ZMYM2: variants seen among roughly 807,000 people sequenced by gnomAD.
ZMYM2 encodes zinc finger MYM-type protein 2.
Under a neutral mutation model 162.8 loss-of-function variants are expected in ZMYM2, and 56 were observed. The observed-to-expected ratio is 0.34, with a 90% CI of 0.28 to 0.43. The LOEUF is 0.43. Among genes scored for constraint, ZMYM2 ranks in the 20% least tolerant of loss-of-function variants. The pLI, the probability that ZMYM2 is intolerant of heterozygous loss-of-function variation, is 1.00. For missense variants in ZMYM2, 1,275 were observed against 1,621.8 expected (o/e 0.79, Z 3.67); for synonymous variants, 510 against 541.6 (o/e 0.94, Z 0.81).
intron 6 of ZMYM2, among the ~76,000 whole-genome samples, chr13:20,008,786 A>T (rs1380405219): frequency 6.6e-6 from 1 of 152,204 alleles, no homozygotes; most frequent in Non-Finnish European, 1.5e-5. Context: ...TTGCTTTATA[A>T]AAATGTCCAG....
intron 21 of ZMYM2, among the ~76,000 whole-genome samples, chr13:20,077,522 T>C (rs1040090243): frequency 2.7e-5 from 4 of 148,960 alleles, no homozygotes. Context: ...TTGGGACTAA[T>C]TAATTCTACC....
the ZMYM2 span, among the ~76,000 whole-genome samples, chr13:19,894,405 G>A: frequency 6.6e-6 from 1 of 151,198 alleles, no homozygotes; most frequent in Non-Finnish European, 1.5e-5. Flanking sequence ...GAATGCAATG[G>A]CACAATCTCA....
chr13:20,063,049 T>A, intron 18 of ZMYM2, 78 bp downstream of exon 18: 1 of 1,440,382 alleles, frequency 6.9e-7, no homozygotes. Flanking sequence ...TTGATGTTTG[T>A]GTCATTGCCT....
the ZMYM2 span, among the ~76,000 whole-genome samples, chr13:19,885,947 A>ATATATATATGTG: frequency 7.2e-4 from 15 of 20,874 alleles, 4 homozygotes; most frequent in African/African-American, 2.9e-3. Flanking sequence ...ATATATATGT[A>ATATATATATGTG]TATACACATA....
chr13:19,984,298 A>C (rs1481493001), intron 2 of ZMYM2, among the ~76,000 whole-genome samples: 1 of 152,216 alleles, frequency 6.6e-6, no homozygotes, highest in Admixed American at 6.5e-5. Flanking sequence ...ACTGAATCAA[A>C]ATAAAGACCA....
upstream of ZMYM2, among the ~76,000 whole-genome samples, chr13:19,953,727 G>C (rs941342960): frequency 2.8e-5 from 4 of 143,950 alleles, no homozygotes; most frequent in East Asian, 8.4e-4. Context: ...TGGTTCATTT[G>C]AGATTACTCT....
intron 3 of ZMYM2, among the ~76,000 whole-genome samples, chr13:20,001,450 G>C (rs1566264059): frequency 6.6e-6 from 1 of 151,650 alleles, no homozygotes; most frequent in Non-Finnish European, 1.5e-5. Context: ...CTGCAATCTC[G>C]TGATAAAACT....
the ZMYM2 span, among the ~76,000 whole-genome samples, chr13:19,898,425 G>A: frequency 4.8e-4 from 73 of 151,988 alleles, 1 homozygote; most frequent in South Asian, 0.015. Flanking sequence ...AGTAGAGACG[G>A]GGTTTCACTG....
intron 14 of ZMYM2, among the ~76,000 whole-genome samples, chr13:20,057,553 C>T (rs1257763683): frequency 6.6e-6 from 1 of 152,092 alleles, no homozygotes; most frequent in African/African-American, 2.4e-5. Context: ...GATTACTGTA[C>T]AATATGTGTG....
chr13:20,074,263 A>T (rs1171272385), intron 21 of ZMYM2, among the ~76,000 whole-genome samples: 1 of 148,136 alleles, frequency 6.8e-6, no homozygotes, highest in African/African-American at 2.5e-5. Context: ...ACAGGGTCTC[A>T]CTCTGGCGCC....
intron 1 of ZMYM2, among the ~76,000 whole-genome samples, 175 bp downstream of exon 1, chr13:19,959,016 C>G (rs1187293087): frequency 1.3e-5 from 2 of 151,858 alleles, no homozygotes; most frequent in Non-Finnish European, 2.9e-5. Flanking sequence ...CGCGGCGCGG[C>G]CGCCGTCGCC....
the ZMYM2 span, among the ~76,000 whole-genome samples, chr13:19,943,451 A>G: frequency 2.0e-5 from 3 of 152,212 alleles, no homozygotes; most frequent in Non-Finnish European, 4.4e-5. Flanking sequence ...CGACATCCCA[A>G]TTAGCTCTTC....
the ZMYM2 span, among the ~76,000 whole-genome samples, chr13:19,938,269 G>A: frequency 6.6e-6 from 1 of 152,294 alleles, no homozygotes; most frequent in South Asian, 2.1e-4. Context: ...CACTTTGGGA[G>A]GCTGAGGTGG....
chr13:20,013,572 T>C (rs995610214), intron 6 of ZMYM2, among the ~76,000 whole-genome samples: 1 of 152,238 alleles, frequency 6.6e-6, no homozygotes. Flanking sequence ...GTTGTTCATA[T>C]GCATGGCTTT....
At position 19,993,473 on chromosome 13, in the gene ZMYM2, AT is replaced by A. The variant is rs767307088; in HGVS notation, c.403del (p.Ser135ProfsTer31). ...DMETNQGQEK[N>X]SSNFIERRPP... ...GAAACAAATCAAGGGCAAGAGAAAA[AT>A]TCCTCCAATTTTATTGAACGAAGAC... On this transcript the variant is annotated frameshift_variant, in exon 3 of 25. Coordinates refer to ENST00000610343, the MANE Select transcript of ZMYM2 (RefSeq NM_197968.4). LOFTEE classifies it high-confidence loss of function. The A allele has an allele frequency of 6.2e-7, 1 of 1,614,018 alleles. No homozygotes were observed. The highest frequency in any genetic ancestry group is 1.3e-5 in the African/African-American group (1 of 74,940).
chr13:19,868,550 C>G, the ZMYM2 span, among the ~76,000 whole-genome samples: 2 of 152,096 alleles, frequency 1.3e-5, no homozygotes, highest in African/African-American at 4.8e-5. Flanking sequence ...AATCTAGAAG[C>G]TAGGAGTATT....
chr13:19,987,768 A>C (rs1949295511), intron 2 of ZMYM2, among the ~76,000 whole-genome samples: 1 of 151,908 alleles, frequency 6.6e-6, no homozygotes, highest in Non-Finnish European at 1.5e-5. Flanking sequence ...GGCGTGAGCC[A>C]CCGTGCCCAG....
At chr13:19,938,059 C>T in the ZMYM2 span, among the ~76,000 whole-genome samples, 1 of 152,082 alleles carries the variant, frequency 6.6e-6, no homozygotes, top group East Asian at 1.9e-4. Context: ...CGTTGTTGGA[C>T]ATTTGGGTTG....
chr13:20,013,702 T>A (rs1951382886), intron 6 of ZMYM2, among the ~76,000 whole-genome samples: 1 of 152,206 alleles, frequency 6.6e-6, no homozygotes, highest in South Asian at 2.1e-4. Context: ...GTGGTCTTTA[T>A]CTTTGCTCTT....
Sources: gnomAD v4.1 joint callset for allele counts (sites outside exome capture counted in the v4.1 genomes callset) on GRCh38, gnomAD v4.1.1 for gene constraint, MANE v1.5 for transcripts, NCBI Gene and HGNC (gene_info 2026-07-23, HGNC 2026-07-21) for gene names.